Variants in ARHGAP17 observed in about 807,000 individuals in gnomAD.
The protein encoded by ARHGAP17 is Rho GTPase activating protein 17, also known as rho GTPase-activating protein 17.
Under a neutral mutation model 99.5 loss-of-function variants are expected in ARHGAP17, and 57 were observed. The observed-to-expected ratio is 0.57, with a 90% CI of 0.46 to 0.71. The LOEUF (loss-of-function observed/expected upper bound fraction) is 0.71, where lower values mean the gene tolerates loss of function less well. Ranked by LOEUF, ARHGAP17 falls within the 30% of genes least tolerant of loss-of-function variation. ARHGAP17 has a pLI of 0.00. For missense variants in ARHGAP17, 1,000 were observed against 1,122.4 expected (o/e 0.89, Z 1.56); for synonymous variants, 417 against 429.6 (o/e 0.97, Z 0.36).
chr16:24,922,996 T>C (rs145615303), intron 19 of ARHGAP17, among the ~76,000 whole-genome samples: 41 of 152,256 alleles, frequency 2.7e-4, no homozygotes, highest in Middle Eastern at 6.8e-3. Context: ...GACATTACTA[T>C]AGAGCACTTA....
At chr16:24,942,591 A>AC (rs2051345979) in intron 15 of ARHGAP17, among the ~76,000 whole-genome samples, 1 of 151,860 alleles carries the variant, frequency 6.6e-6, no homozygotes, top group Admixed American at 6.6e-5. Context: ...AGAACGTGAA[A>AC]CCCCGTCTCT....
At chr16:24,928,970 C>T (rs562714164) in intron 19 of ARHGAP17, among the ~76,000 whole-genome samples, 35 of 152,206 alleles carry the variant, frequency 2.3e-4, no homozygotes, top group Non-Finnish European at 4.0e-4. Flanking sequence ...ATGCAGTTAA[C>T]TTGCACTTAA....
At position 24,931,081 on chromosome 16, in the gene ARHGAP17, C is replaced by T. The variant is rs1420302989; in HGVS notation, c.2218G>A (p.Ala740Thr). 1 of 1,605,682 alleles carries T rather than the reference C, an allele frequency of 6.2e-7. No individual in the cohort carries two copies. The highest frequency in any genetic ancestry group is 1.1e-5 in the South Asian group (1 of 89,342). ...PNSQGPPNPMALPSEHGLEQP... is the reference protein window; with the variant it reads ...PNSQGPPNPMTLPSEHGLEQP... The stretch of plus-strand genomic sequence containing the variant: ...TCAAGTCCATGCTCACTGGGCAATG[C>T]CATGGGGTTGGGAGGGCCCTGGCTA... Residue 740 changes from alanine (A) to threonine (T), a missense_variant, in exon 19 of 20, where the codon GCA becomes ACA. By Grantham distance (58) the Ala-to-Thr change is moderately conservative (BLOSUM62 0). Around this residue, in one of 2 missense-constraint regions of ARHGAP17, gnomAD observed 528 missense variants for 511.4 expected, o/e 1.03. Transcript: ENST00000289968.
chr16:24,963,256 A>C (rs2052067422), intron 7 of ARHGAP17, among the ~76,000 whole-genome samples: 1 of 152,224 alleles, frequency 6.6e-6, no homozygotes, highest in Non-Finnish European at 1.5e-5. Flanking sequence ...ACTTTTTAAA[A>C]CAAAGGCATA....
At chr16:24,931,494 A>G (rs780685739) in intron 18 of ARHGAP17, 90 bp from the exon 19 acceptor site, 10 of 1,316,538 alleles carry the variant, frequency 7.6e-6, no homozygotes, top group Middle Eastern at 2.7e-4. Context: ...ATCACCAGTA[A>G]TAAGGTACAC....
chr16:24,980,139 G>C (rs1393116884), intron 1 of ARHGAP17, among the ~76,000 whole-genome samples: 3 of 152,244 alleles, frequency 2.0e-5, no homozygotes, highest in Non-Finnish European at 2.9e-5. Context: ...GGGAACCAAT[G>C]CAAGAGCAGG....
chr16:24,994,119 A>G (rs2053127890), intron 1 of ARHGAP17, among the ~76,000 whole-genome samples: 1 of 152,200 alleles, frequency 6.6e-6, no homozygotes, highest in African/African-American at 2.4e-5. Flanking sequence ...CAAAATGAAG[A>G]AAAAATAGTC....
rs545118951 is a variant in ARHGAP17, at chr16:24,991,628, G to C, written c.54-12623C>G. On this transcript the variant is annotated intron_variant, in intron 1 of 19. Coordinates refer to ENST00000289968, the MANE Select transcript of ARHGAP17 (RefSeq NM_001006634.3). ...AACTCAGGGACAGAGTACGTGGAGA[G>C]TTAGTAAACCCTGCATCAGAAGCTA... Among the ~76,000 whole-genome samples the C allele has an allele frequency of 2.6e-5, 4 of 152,334 alleles. No homozygotes were observed. In the East Asian group the frequency reaches 7.7e-4, roughly 29 times the overall value.
intron 14 of ARHGAP17, among the ~76,000 whole-genome samples, chr16:24,944,100 G>A (rs766904375): frequency 6.6e-6 from 1 of 151,746 alleles, no homozygotes; most frequent in Non-Finnish European, 1.5e-5. Context: ...GTGAAACCCC[G>A]TCTGTACTAA....
At chr16:24,945,498 A>T (rs2051444357) in intron 14 of ARHGAP17, among the ~76,000 whole-genome samples, 1 of 152,114 alleles carries the variant, frequency 6.6e-6, no homozygotes, top group Non-Finnish European at 1.5e-5. Context: ...CACCTCGCTT[A>T]ATTTTTACAA....
rs1474334882 is a variant in ARHGAP17, at chr16:24,959,926, G to T, written c.627C>A (p.Gly209=). ...AGGTGCTTACCGTAACAAAGAATTT[G>T]CCATACTCCCCTTCTTTGGCCATAA... ...YNFMAKEGEY[G]KFFVTLLEAQ... is the part of the protein sequence containing the mutation. Residue 209 remains glycine (G), a synonymous_variant, in exon 8 of 20, where the codon GGC becomes GGA. Transcript: ENST00000289968. 6.2e-7 allele frequency: 1 copy of T among 1,614,108 alleles called. No homozygotes were observed. The highest frequency in any genetic ancestry group is 8.5e-7 in the Non-Finnish European group (1 of 1,179,976).
intron 6 of ARHGAP17, among the ~76,000 whole-genome samples, chr16:24,965,332 T>C (rs1472959887): frequency 6.6e-6 from 1 of 152,050 alleles, no homozygotes; most frequent in Non-Finnish European, 1.5e-5. Context: ...TAGCTGGGCG[T>C]GGTGGCAGGC....
chr16:24,938,981 T>G (rs1394759496), intron 17 of ARHGAP17, among the ~76,000 whole-genome samples: 1 of 151,912 alleles, frequency 6.6e-6, no homozygotes, highest in African/African-American at 2.4e-5. Context: ...AATACGAAAA[T>G]TTAACTAACT....
At chr16:24,966,779 T>C (rs76146717) in intron 6 of ARHGAP17, among the ~76,000 whole-genome samples, 9 of 152,086 alleles carry the variant, frequency 5.9e-5, no homozygotes, top group South Asian at 2.1e-4. Context: ...GAACATCACA[T>C]GTACACATGA....
At chr16:24,964,923 CACA>C (rs1256270851) in intron 6 of ARHGAP17, among the ~76,000 whole-genome samples, 1 of 150,406 alleles carries the variant, frequency 6.6e-6, no homozygotes, top group Non-Finnish European at 1.5e-5. Flanking sequence ...GCCTGGACAA[CACA>C]ACAAGACTCC....
At position 24,935,563 on chromosome 16, in the gene ARHGAP17, G is replaced by A; in HGVS notation, c.1801C>T (p.Gln601Ter). Residue 601 changes from glutamine (Q) to a stop codon, truncating the protein, a stop_gained, in exon 18 of 20, where the codon CAA becomes TAA. Coordinates refer to ENST00000289968, the MANE Select transcript of ARHGAP17 (RefSeq NM_001006634.3). LOFTEE classifies it high-confidence loss of function. ...GRNNSQIASGQNQPQAAAGSH... is the reference protein window; with the variant it reads ...GRNNSQIASG ...CCAGCAGCTGCCTGGGGCTGATTTT[G>A]GCCAGATGCTATCTGACTGTTGTTT... 6.2e-7 allele frequency: 1 copy of A among 1,614,132 alleles called. No homozygotes were observed. Among genetic ancestry groups the A allele is most frequent in the Non-Finnish European group, 8.5e-7 (1 of 1,180,036 alleles).
At chr16:24,965,552 G>C (rs1193542296) in intron 6 of ARHGAP17, among the ~76,000 whole-genome samples, 3 of 152,156 alleles carry the variant, frequency 2.0e-5, no homozygotes, top group African/African-American at 7.2e-5. Context: ...GCCCCAAAAT[G>C]CTATGTTCTG....
At chr16:24,965,007 A>G (rs2052131996) in intron 6 of ARHGAP17, among the ~76,000 whole-genome samples, 1 of 152,212 alleles carries the variant, frequency 6.6e-6, no homozygotes, top group Admixed American at 6.5e-5. Context: ...TAAAAAGAAA[A>G]AAAAAGAAAC....
chr16:24,954,941 G>T, intron 9 of ARHGAP17: 1 of 607,642 alleles, frequency 1.6e-6, no homozygotes. Context: ...TGGAACAGAA[G>T]CCTGAGCGTA....
Sources: gnomAD v4.1 joint callset for allele counts (sites outside exome capture counted in the v4.1 genomes callset) on GRCh38, gnomAD v4.1.1 for gene constraint, gnomAD v4.1.1 regional missense constraint, MANE v1.5 for transcripts, NCBI Gene and HGNC (gene_info 2026-07-23, HGNC 2026-07-21) for gene names.